The following PDE3A variants were observed in gnomAD, a reference collection of about 807,000 sequenced individuals.
PDE3A encodes phosphodiesterase 3A, also known as cGMP-inhibited 3',5'-cyclic phosphodiesterase 3A.
A neutral mutation model predicts 98.3 loss-of-function variants in PDE3A; 43 were observed. The observed-to-expected ratio is 0.44, with a 90% CI of 0.34 to 0.56. PDE3A has a LOEUF of 0.56. Ranked by LOEUF, PDE3A falls within the 20% of genes least tolerant of loss-of-function variation. The pLI is 0.01. For missense variants in PDE3A, 1,427 were observed against 1,440.7 expected, an observed-to-expected ratio of 0.99 and a Z score of 0.15; for synonymous variants, 663 against 567.9, an observed-to-expected ratio of 1.17 and a Z score of -2.38.
intron 1 of PDE3A, among the ~76,000 whole-genome samples, chr12:20,472,844 C>A (rs1170040438): frequency 6.6e-6 from 1 of 152,058 alleles, no homozygotes; most frequent in Non-Finnish European, 1.5e-5. Context: ...TATCTAAAGG[C>A]ATTAAATGTC....
At chr12:20,428,977 T>G (rs1407732002) in intron 1 of PDE3A, among the ~76,000 whole-genome samples, 4 of 152,214 alleles carry the variant, frequency 2.6e-5, no homozygotes, top group Non-Finnish European at 5.9e-5. Context: ...AAATTTTATA[T>G]TTCACAAATG....
Position 20,552,614 on chromosome 12 carries a change from C to G in PDE3A, c.961-4046C>G, listed in dbSNP as rs983067246. 15 of 1,613,544 alleles carry G rather than the reference C, an allele frequency of 9.3e-6. No homozygotes were observed. The East Asian group carries it at 2.9e-4, about 31-fold the overall frequency. On this transcript the variant is annotated intron_variant, in intron 1 of 15. Transcript: ENST00000359062. The surrounding 1 kb of genome is among the most constrained non-coding windows in gnomAD (Gnocchi z 5.1). ...GGTGGCCCGAGCAGGGCCGGGTCCC[C>G]GCGCCGGACATCCAAGAAAACCAAG...
intron 1 of PDE3A, among the ~76,000 whole-genome samples, chr12:20,379,482 C>A (rs1006451340): frequency 2.7e-4 from 41 of 151,810 alleles, no homozygotes; most frequent in African/African-American, 9.2e-4. Flanking sequence ...CTAAGGAAGT[C>A]AGATTCAGAT....
chr12:20,600,105 G>A (rs937246610), intron 2 of PDE3A, among the ~76,000 whole-genome samples: 1 of 152,038 alleles, frequency 6.6e-6, no homozygotes, highest in South Asian at 2.1e-4. Flanking sequence ...AGTTGATATT[G>A]ATTATGGCTC....
At chr12:20,573,278 C>A (rs1592069961) in intron 2 of PDE3A, among the ~76,000 whole-genome samples, 1 of 152,100 alleles carries the variant, frequency 6.6e-6, no homozygotes, top group East Asian at 1.9e-4. Flanking sequence ...AAAATAATTT[C>A]TGAGAATAGA....
rs184726170 is a variant in PDE3A at position 20,450,971 on chromosome 12, C to T, written c.960+80727C>T. Reference sequence around the variant, plus strand: ...ACAGTTTCTAACTTCAGCTGAATCACAGTGTGAAGGTGAACAAGTAAAAAA... The same window carrying T: ...ACAGTTTCTAACTTCAGCTGAATCATAGTGTGAAGGTGAACAAGTAAAAAA... On this transcript the variant is annotated intron_variant, in intron 1 of 15. Coordinates refer to ENST00000359062, the MANE Select transcript of PDE3A (RefSeq NM_000921.5). Among the ~76,000 whole-genome samples, 286 of 152,306 alleles carry T rather than the reference C, an allele frequency of 1.9e-3. 2 individuals carry two copies. The highest frequency in any genetic ancestry group is 0.01 in the Middle Eastern group (3 of 294).
intron 1 of PDE3A, among the ~76,000 whole-genome samples, chr12:20,504,772 A>G (rs548820435): frequency 6.6e-5 from 10 of 152,186 alleles, no homozygotes; most frequent in Non-Finnish European, 1.0e-4. Flanking sequence ...GTCTCTCACT[A>G]TTAACTCTGG....
At chr12:20,416,631 G>A (rs970895976) in intron 1 of PDE3A, among the ~76,000 whole-genome samples, 2 of 152,178 alleles carry the variant, frequency 1.3e-5, no homozygotes, top group African/African-American at 2.4e-5. Context: ...CTTCATTAGT[G>A]TGTATTTCAG....
rs1942201448 is a variant in PDE3A at position 20,551,598 on chromosome 12, C to G, written c.961-5062C>G. On this transcript the variant is annotated intron_variant, in intron 1 of 15. Transcript: ENST00000359062. Reference sequence around the variant, plus strand: ...TCTGCGCCTGCCACCTGTGCGGGGGCCGGCAGGACCCCGACAAGCAGCTCA... The same window carrying G: ...TCTGCGCCTGCCACCTGTGCGGGGGGCGGCAGGACCCCGACAAGCAGCTCA... The G allele has an allele frequency of 2.1e-5, 32 of 1,555,592 alleles. No individual in the cohort carries two copies. In the South Asian group the frequency reaches 3.7e-4, roughly 18 times the overall value.
At chr12:20,625,444 T>C (rs986692042) in intron 5 of PDE3A, among the ~76,000 whole-genome samples, 21 of 152,192 alleles carry the variant, frequency 1.4e-4, no homozygotes, top group African/African-American at 4.8e-4. Flanking sequence ...CTAGACTCTG[T>C]TTTTCCTATA....
intron 1 of PDE3A, among the ~76,000 whole-genome samples, chr12:20,546,861 C>A (rs1419048621): frequency 6.6e-6 from 1 of 151,968 alleles, no homozygotes; most frequent in African/African-American, 2.4e-5. Flanking sequence ...ACAGAAGAAT[C>A]CCTGGTGTAT....
intron 15 of PDE3A, among the ~76,000 whole-genome samples, chr12:20,660,123 G>C (rs1359620850): frequency 6.6e-6 from 1 of 152,142 alleles, no homozygotes; most frequent in African/African-American, 2.4e-5. Context: ...GACAGTGAGT[G>C]ACTTGTCACA....
At chr12:20,575,070 C>T (rs1278023570) in intron 2 of PDE3A, among the ~76,000 whole-genome samples, 1 of 151,848 alleles carries the variant, frequency 6.6e-6, no homozygotes, top group African/African-American at 2.4e-5. Context: ...AATTATTTGT[C>T]TTAAGTTGGA....
chr12:20,532,540 A>T (rs556947522), intron 1 of PDE3A, among the ~76,000 whole-genome samples: 2 of 148,212 alleles, frequency 1.3e-5, no homozygotes, highest in East Asian at 3.9e-4. Flanking sequence ...GGTTTCTTAC[A>T]AATACAGATT....
intron 4 of PDE3A, among the ~76,000 whole-genome samples, chr12:20,618,227 CTATT>C (rs1197245795): frequency 1.3e-5 from 2 of 152,102 alleles, no homozygotes; most frequent in Admixed American, 6.6e-5. Flanking sequence ...TAAGGGAAAA[CTATT>C]TATAAGTAAG....
chr12:20,607,715 G>C (rs4508254), intron 2 of PDE3A, among the ~76,000 whole-genome samples: 146,369 of 150,488 alleles, frequency 0.97, 71,228 homozygotes, highest in East Asian at 1. Context: ...TGCTTGGTAA[G>C]TTTTTTTTTT....
At chr12:20,611,002 T>C (rs1490465251) in intron 2 of PDE3A, among the ~76,000 whole-genome samples, 1 of 151,826 alleles carries the variant, frequency 6.6e-6, no homozygotes, top group African/African-American at 2.4e-5. Context: ...GTTAACGAAA[T>C]TGTATTGTAT....
rs554542269 is a variant in PDE3A at position 20,382,134 on chromosome 12, C to T, written c.960+11890C>T. Among the ~76,000 whole-genome samples the T allele has an allele frequency of 2.0e-4, 30 of 151,826 alleles. 1 individual carries two copies. The South Asian group carries it at 4.6e-3, about 23-fold the overall frequency. On this transcript the variant is annotated intron_variant, in intron 1 of 15. Coordinates refer to ENST00000359062, the MANE Select transcript of PDE3A (RefSeq NM_000921.5). The stretch of plus-strand genomic sequence containing the variant: ...TTTGGGAAAACTATTAAAATGCAGA[C>T]GTTTAAATACTAGATTATAGATCCT...
intron 1 of PDE3A, among the ~76,000 whole-genome samples, chr12:20,547,907 C>T (rs774136141): frequency 6.6e-6 from 1 of 152,032 alleles, no homozygotes; most frequent in East Asian, 1.9e-4. Context: ...TTGGATAGAA[C>T]CTTTTTGTTT....
Sources: gnomAD v4.1 joint callset for allele counts (sites outside exome capture counted in the v4.1 genomes callset) on GRCh38, gnomAD v4.1.1 for gene constraint, Gnocchi (gnomAD v3.1) non-coding constraint, MANE v1.5 for transcripts, NCBI Gene and HGNC (gene_info 2026-07-23, HGNC 2026-07-21) for gene names.